The following KCTD8 variants were observed in gnomAD, a reference collection of about 807,000 sequenced individuals.
KCTD8 encodes the protein BTB/POZ domain-containing protein KCTD8.
KCTD8 carries 27 observed loss-of-function variants against 31.5 expected under a neutral mutation model. The ratio of observed to expected loss-of-function variants is 0.86; its 90% CI spans 0.63 to 1.18. The LOEUF (loss-of-function observed/expected upper bound fraction) is 1.18. Ranked by LOEUF, KCTD8 falls within the 50% of genes most tolerant of loss-of-function variation. KCTD8 has a pLI of 0.00. For missense variants in KCTD8, 658 were observed against 647.7 expected (o/e 1.02, Z -0.17); for synonymous variants, 290 against 280.0 (o/e 1.04, Z -0.36).
chr4:44,358,465 A>G (rs559377111), intron 1 of KCTD8, among the ~76,000 whole-genome samples: 3 of 152,072 alleles, frequency 2.0e-5, no homozygotes, highest in African/African-American at 7.2e-5. Context: ...TTGAGGAATC[A>G]CCACACTGTC....
At chr4:44,216,123 A>C (rs1714645312) in intron 1 of KCTD8, among the ~76,000 whole-genome samples, 1 of 152,186 alleles carries the variant, frequency 6.6e-6, no homozygotes, top group South Asian at 2.1e-4. Context: ...ATTCTAAACG[A>C]GAGTTTATAA....
intron 1 of KCTD8, among the ~76,000 whole-genome samples, chr4:44,407,255 T>C (rs1259846350): frequency 6.6e-6 from 1 of 152,160 alleles, no homozygotes; most frequent in Non-Finnish European, 1.5e-5. Context: ...TCTCCTATTT[T>C]ATTAATGTCT....
At chr4:44,222,741 G>A (rs112070918) in intron 1 of KCTD8, among the ~76,000 whole-genome samples, 210 of 152,238 alleles carry the variant, frequency 1.4e-3, no homozygotes, top group African/African-American at 4.6e-3. Context: ...TGGACCAAGC[G>A]CAAAGACACT....
intron 1 of KCTD8, among the ~76,000 whole-genome samples, chr4:44,402,005 T>TA (rs1314784503): frequency 1.3e-5 from 2 of 152,180 alleles, no homozygotes; most frequent in African/African-American, 4.8e-5. Flanking sequence ...ATAATCTCCT[T>TA]AATTAATTCA....
chr4:44,397,239 C>T (rs1720528097), intron 1 of KCTD8, among the ~76,000 whole-genome samples: 1 of 151,928 alleles, frequency 6.6e-6, no homozygotes, highest in African/African-American at 2.4e-5. Context: ...AGTTAATAGC[C>T]CCTTTTGTAG....
chr4:44,383,096 T>C (rs1010867576), intron 1 of KCTD8, among the ~76,000 whole-genome samples: 1 of 151,284 alleles, frequency 6.6e-6, no homozygotes, highest in Admixed American at 6.6e-5. Context: ...AGAATACCTA[T>C]GAATAGATTA....
chr4:44,179,276 G>A lies in KCTD8; in HGVS notation c.962-4026C>T, dbSNP rs897332340. Among the ~76,000 whole-genome samples, 7 of 151,642 alleles carry A rather than the reference G, an allele frequency of 4.6e-5. No individual in the cohort carries two copies. The South Asian group carries it at 6.2e-4, about 14-fold the overall frequency. On this transcript the variant is annotated intron_variant, in intron 1 of 1. Coordinates refer to ENST00000360029, the MANE Select transcript of KCTD8 (RefSeq NM_198353.3). ...AAATAATATGGGCCAGGGCATGGTC[G>A]GAAATAGAGTCTATTAAAGAATAGT...
chr4:44,438,625 T>C (rs965241496), intron 1 of KCTD8, among the ~76,000 whole-genome samples: 9 of 152,320 alleles, frequency 5.9e-5, no homozygotes, highest in Admixed American at 5.2e-4. Flanking sequence ...TATTTTATAC[T>C]TAGCAGGTCA....
At chr4:44,349,555 A>G (rs1719146207) in intron 1 of KCTD8, among the ~76,000 whole-genome samples, 1 of 152,180 alleles carries the variant, frequency 6.6e-6, no homozygotes, top group Non-Finnish European at 1.5e-5. Flanking sequence ...GAAAGCATTA[A>G]GGACTAGAAG....
At chr4:44,327,490 T>C (rs998919922) in intron 1 of KCTD8, among the ~76,000 whole-genome samples, 1 of 151,874 alleles carries the variant, frequency 6.6e-6, no homozygotes, top group Non-Finnish European at 1.5e-5. Flanking sequence ...ACAGTAGCTC[T>C]GGTTGCAAGA....
chr4:44,370,824 G>C (rs899505464), intron 1 of KCTD8, among the ~76,000 whole-genome samples: 1 of 152,158 alleles, frequency 6.6e-6, no homozygotes, highest in Non-Finnish European at 1.5e-5. Flanking sequence ...GGAGAAGGAG[G>C]TAGAAATGAA....
intron 1 of KCTD8, among the ~76,000 whole-genome samples, chr4:44,328,417 A>G (rs1334812565): frequency 5.3e-5 from 8 of 152,056 alleles, no homozygotes. Context: ...GTCTTTACCC[A>G]GCTGAGTACT....
intron 1 of KCTD8, among the ~76,000 whole-genome samples, chr4:44,192,771 A>T (rs1260687580): frequency 2.0e-5 from 3 of 152,090 alleles, no homozygotes; most frequent in African/African-American, 7.2e-5. Flanking sequence ...AGGTACACCC[A>T]CCCACAATCC....
chr4:44,262,486 A>G (rs1577580519), intron 1 of KCTD8, among the ~76,000 whole-genome samples: 2 of 152,238 alleles, frequency 1.3e-5, no homozygotes, highest in East Asian at 3.9e-4. Flanking sequence ...CAATTACTTA[A>G]GATAGAATAT....
chr4:44,360,280 C>T (rs112607951), intron 1 of KCTD8, among the ~76,000 whole-genome samples: 157 of 152,124 alleles, frequency 1.0e-3, no homozygotes, highest in African/African-American at 3.5e-3. Flanking sequence ...TTATATACTC[C>T]TGGCTTCAAA....
chr4:44,284,775 G>GA (rs1170869388), intron 1 of KCTD8, among the ~76,000 whole-genome samples: 1 of 152,008 alleles, frequency 6.6e-6, no homozygotes, highest in Non-Finnish European at 1.5e-5. Flanking sequence ...AAATTTACAA[G>GA]AAAAAAGCAA....
chr4:44,419,879 A>G (rs1382619451), intron 1 of KCTD8, among the ~76,000 whole-genome samples: 1 of 152,064 alleles, frequency 6.6e-6, no homozygotes, highest in Non-Finnish European at 1.5e-5. Context: ...AAAGGAAAAG[A>G]AAAAAAGAAA....
intron 1 of KCTD8, among the ~76,000 whole-genome samples, chr4:44,256,117 T>A (rs908694891): frequency 7.9e-5 from 12 of 151,844 alleles, no homozygotes; most frequent in Non-Finnish European, 4.4e-5. Context: ...TTGTGAGACT[T>A]ACTACCATGA....
At chr4:44,364,545 A>G (rs970498847) in intron 1 of KCTD8, among the ~76,000 whole-genome samples, 2 of 152,174 alleles carry the variant, frequency 1.3e-5, no homozygotes, top group Non-Finnish European at 2.9e-5. Flanking sequence ...ACATAGTCTT[A>G]TCATATGATC....
Sources: allele counts gnomAD v4.1 joint callset (sites outside exome capture counted in the v4.1 genomes callset), GRCh38; gene constraint gnomAD v4.1.1; transcripts MANE v1.5; gene names NCBI Gene and HGNC (gene_info 2026-07-23, HGNC 2026-07-21).